Variants in TFCP2L1 observed in about 807,000 individuals in gnomAD.
TFCP2L1 encodes transcription factor CP2 like 1, also known as transcription factor CP2-like protein 1.
In TFCP2L1, 12 loss-of-function variants were observed where a neutral mutation model predicts 72.2. The ratio of observed to expected loss-of-function variants is 0.17; its 90% CI spans 0.11 to 0.27. The LOEUF (loss-of-function observed/expected upper bound fraction) is 0.27, where lower values mean the gene tolerates loss of function less well. Among genes scored for constraint, TFCP2L1 ranks in the 10% least tolerant of loss-of-function variants. The pLI is 1.00. For missense variants in TFCP2L1, 488 were observed against 624.6 expected (o/e 0.78, Z 2.33); for synonymous variants, 260 against 251.0 (o/e 1.04, Z -0.34).
Position 121,234,086 on chromosome 2 carries a change from C to T in TFCP2L1, c.1198+5G>A, listed in dbSNP as rs1036264364. 3 of 1,612,768 alleles carry T rather than the reference C, an allele frequency of 1.9e-6. No individual in the cohort carries two copies. Among genetic ancestry groups the T allele is most frequent in the South Asian group, 2.2e-5 (2 of 91,034 alleles). ...TGGGTCCCAGCTCTGCTCCCCACAA[C>T]TCACCAGACAGGTTGCTGTCTCCAC... On this transcript the variant is annotated splice_donor_5th_base_variant and intron_variant, in intron 12 of 14. Coordinates refer to ENST00000263707, the MANE Select transcript of TFCP2L1 (RefSeq NM_014553.3).
chr2:121,225,705 A>C, intron 13 of TFCP2L1, 92 bp from the exon 14 acceptor site: 1 of 1,392,802 alleles, frequency 7.2e-7, no homozygotes, highest in Non-Finnish European at 1.0e-6. Flanking sequence ...GCAGCTGCAG[A>C]AACACCACTG....
At position 121,248,098 on chromosome 2, in the gene TFCP2L1, G is replaced by C. The variant is rs538812602; in HGVS notation, c.504+66C>G. The stretch of plus-strand genomic sequence containing the variant: ...ACCCTCCCAGATGGGTTAGTTTTGA[G>C]AAACTGCACGCAGGCCACCCCAAAG... On this transcript the variant is annotated intron_variant, in intron 5 of 14. Transcript: ENST00000263707. 9.8e-5 allele frequency: 142 copies of C among 1,444,988 alleles called. No individual in the cohort carries two copies. In the African/African-American group the frequency reaches 1.7e-3, roughly 17 times the overall value. The allele number at this position is 1,444,988 out of a possible 1,614,324, so 89.5% of individuals were successfully genotyped here.
chr2:121,236,579 C>T (rs76446562), intron 10 of TFCP2L1, among the ~76,000 whole-genome samples: 1 of 152,262 alleles, frequency 6.6e-6, no homozygotes, highest in East Asian at 1.9e-4. Flanking sequence ...CAATAAGATA[C>T]GGTTTTAGGT....
intron 13 of TFCP2L1, among the ~76,000 whole-genome samples, chr2:121,230,279 C>G (rs1003568678): frequency 2.0e-5 from 3 of 152,204 alleles, no homozygotes; most frequent in African/African-American, 4.8e-5. Context: ...TCAAGCGATT[C>G]TCCTGCCTCA....
chr2:121,253,167 C>A (rs1315371186), intron 2 of TFCP2L1, among the ~76,000 whole-genome samples: 1 of 152,214 alleles, frequency 6.6e-6, no homozygotes, highest in Non-Finnish European at 1.5e-5. Flanking sequence ...CCCACTGGGT[C>A]AGACTCCGTC....
intron 13 of TFCP2L1, among the ~76,000 whole-genome samples, chr2:121,229,385 ACTT>A (rs2104662670): frequency 6.6e-6 from 1 of 152,248 alleles, no homozygotes; most frequent in East Asian, 1.9e-4. Flanking sequence ...ATGTTGCTTA[ACTT>A]CTTATACTAA....
intron 12 of TFCP2L1, 106 bp from the exon 13 acceptor site, chr2:121,232,074 C>T: frequency 7.6e-7 from 1 of 1,307,270 alleles, no homozygotes; most frequent in Non-Finnish European, 1.0e-6. Flanking sequence ...AATGCCACAC[C>T]CAGGGCGGCG....
At chr2:121,272,338 T>A (rs11122852) in intron 2 of TFCP2L1, among the ~76,000 whole-genome samples, 5,543 of 152,308 alleles carry the variant, frequency 0.036, 343 homozygotes, top group East Asian at 0.3. Flanking sequence ...GCTGAGGTTC[T>A]CGCCTACCAG....
intron 13 of TFCP2L1, among the ~76,000 whole-genome samples, chr2:121,229,268 A>G (rs1686094410): frequency 1.3e-5 from 2 of 152,218 alleles, no homozygotes; most frequent in Non-Finnish European, 1.5e-5. Context: ...CACAGAGACA[A>G]GAGCACAAAA....
chr2:121,224,469 G>C, intron 14 of TFCP2L1, 82 bp from the exon 15 acceptor site: 2 of 1,460,960 alleles, frequency 1.4e-6, no homozygotes, highest in Non-Finnish European at 9.5e-7. Context: ...AAGGCACGCT[G>C]TTAGGGTATC....
intron 2 of TFCP2L1, 102 bp from the exon 3 acceptor site, chr2:121,249,749 C>T (rs1686566831): frequency 1.1e-5 from 13 of 1,182,420 alleles, no homozygotes; most frequent in Admixed American, 1.8e-5. Context: ...CCATCCAGGC[C>T]TCAAGGCCCT....
At chr2:121,270,376 T>C (rs1687021859) in intron 2 of TFCP2L1, among the ~76,000 whole-genome samples, 1 of 152,194 alleles carries the variant, frequency 6.6e-6, no homozygotes, top group African/African-American at 2.4e-5. Flanking sequence ...CAGATAGTTA[T>C]TGTTCACAAA....
chr2:121,273,486 C>G (rs1687086151), intron 2 of TFCP2L1, among the ~76,000 whole-genome samples: 1 of 152,236 alleles, frequency 6.6e-6, no homozygotes, highest in Non-Finnish European at 1.5e-5. Flanking sequence ...AGGAAGAGAA[C>G]AGAGTTTGTT....
At chr2:121,268,004 A>G (rs186880072) in intron 2 of TFCP2L1, among the ~76,000 whole-genome samples, 85 of 152,298 alleles carry the variant, frequency 5.6e-4, no homozygotes, top group Non-Finnish European at 1.1e-3. Flanking sequence ...TCTATAAAAT[A>G]TATGTTAGCC....
chr2:121,269,918 A>AAAAAAAAAAAATAT, intron 2 of TFCP2L1, among the ~76,000 whole-genome samples: 52 of 115,150 alleles, frequency 4.5e-4, no homozygotes, highest in East Asian at 1.9e-3. Context: ...AAAAAAAAAA[A>AAAAAAAAAAAATAT]ATATATATAT....
At position 121,232,997 on chromosome 2, in the gene TFCP2L1, C is replaced by A. The variant is rs566806442; in HGVS notation, c.1199-1029G>T. Among the ~76,000 whole-genome samples the A allele has an allele frequency of 4.6e-5, 7 of 152,280 alleles. No homozygotes were observed. The East Asian group carries it at 5.8e-4, about 13-fold the overall frequency. On this transcript the variant is annotated intron_variant, in intron 12 of 14. Coordinates refer to ENST00000263707, the MANE Select transcript of TFCP2L1 (RefSeq NM_014553.3). The stretch of plus-strand genomic sequence containing the variant: ...CTCACCTGAGAAACCCTTGGTTCAA[C>A]AAACCTCATCAGAGGCCCAATATTT...
chr2:121,224,100 A>G lies in TFCP2L1; in HGVS notation c.*241T>C. Reference sequence around the variant, plus strand: ...AGGGTTGGACCAATAGAAAAGAACAAGGAACCATTCAAAATCTGGAGGCCA... The same window carrying G: ...AGGGTTGGACCAATAGAAAAGAACAGGGAACCATTCAAAATCTGGAGGCCA... On this transcript the variant is annotated 3_prime_UTR_variant, in exon 15 of 15. Transcript: ENST00000263707. 1 of 582,902 alleles carries G rather than the reference A, an allele frequency of 1.7e-6. No homozygotes were observed. The highest frequency in any genetic ancestry group is 3.1e-6 in the Non-Finnish European group (1 of 326,966). 36.1% of individuals were successfully genotyped at this position (582,902 alleles called of 1,614,324 possible). A position where few individuals can be genotyped will look rare whatever the true frequency, so the allele number is the denominator to read the frequency against.
At position 121,236,171 on chromosome 2, in the gene TFCP2L1, G is replaced by T. The variant is rs557109034; in HGVS notation, c.1004-860C>A. Among the ~76,000 whole-genome samples, 12 of 152,258 alleles carry T rather than the reference G, an allele frequency of 7.9e-5. No homozygotes were observed. The South Asian group carries it at 1.7e-3, about 21-fold the overall frequency. On this transcript the variant is annotated intron_variant, in intron 10 of 14. Coordinates refer to ENST00000263707, the MANE Select transcript of TFCP2L1 (RefSeq NM_014553.3). ...ACTTTATGTGGATGGGCGCTGGGGG[G>T]GCTTCAGGTCTGGGCTGTTATGAAT...
intron 2 of TFCP2L1, among the ~76,000 whole-genome samples, chr2:121,270,131 G>A (rs193099158): frequency 9.9e-5 from 15 of 152,114 alleles, no homozygotes; most frequent in African/African-American, 2.9e-4. Context: ...CATCATTGAG[G>A]AAAGGAGAAT....
Sources: allele counts gnomAD v4.1 joint callset (sites outside exome capture counted in the v4.1 genomes callset), GRCh38; gene constraint gnomAD v4.1.1; transcripts MANE v1.5; gene names NCBI Gene and HGNC (gene_info 2026-07-23, HGNC 2026-07-21).